Variants in UBE2E2 observed in about 807,000 individuals in gnomAD.
UBE2E2 encodes the protein ubiquitin-conjugating enzyme E2 E2.
Under a neutral mutation model 24.7 loss-of-function variants are expected in UBE2E2, and 6 were observed. The observed-to-expected ratio is 0.24, with a 90% confidence interval of 0.13 to 0.48. The LOEUF (loss-of-function observed/expected upper bound fraction) is 0.48. Ranked by LOEUF, UBE2E2 falls within the 20% of genes least tolerant of loss-of-function variation. The pLI is 0.99. For synonymous variants in UBE2E2, 104 were observed against 83.6 expected (o/e 1.24, Z -1.33); for missense variants, 169 against 245.0 (o/e 0.69, Z 2.07).
intron 3 of UBE2E2, among the ~76,000 whole-genome samples, chr3:23,222,124 T>C (rs1479181687): frequency 6.6e-6 from 1 of 152,184 alleles, no homozygotes; most frequent in East Asian, 1.9e-4. Context: ...GCTGGGCTTA[T>C]TTCACTTAAC....
rs1413172120 is a variant in UBE2E2 at position 23,332,673 on chromosome 3, GGGTGTGTGT to G, written c.227+115363_227+115371del. ...GCTTTGAGCTTCCTGGCAGCCAGTG[GGGTGTGTGT>G]GTGTGTGTGTGTGTGTGTGTGTGTG... On this transcript the variant is annotated intron_variant, in intron 3 of 5. Transcript: ENST00000396703. Among the ~76,000 whole-genome samples the G allele has an allele frequency of 5.2e-3, 423 of 80,592 alleles. 1 individual carries two copies. In the Middle Eastern group the frequency reaches 0.088, roughly 17 times the overall value. The allele number at this position is 80,592 out of a possible 152,430, so 52.9% of individuals were successfully genotyped here.
intron 3 of UBE2E2, among the ~76,000 whole-genome samples, chr3:23,324,916 C>CAT (rs990577436): frequency 3.3e-5 from 5 of 152,114 alleles, no homozygotes; most frequent in African/African-American, 1.2e-4. Context: ...GGAAGTGACA[C>CAT]ATATGATAAA....
chr3:23,517,974 A>AT (rs899185039), intron 4 of UBE2E2, among the ~76,000 whole-genome samples: 13 of 150,626 alleles, frequency 8.6e-5, no homozygotes, highest in African/African-American at 2.2e-4. Flanking sequence ...GAAAATGGGA[A>AT]TTTTTTTTTT....
chr3:23,503,806 T>C (rs1694358173), intron 4 of UBE2E2, among the ~76,000 whole-genome samples: 1 of 151,994 alleles, frequency 6.6e-6, no homozygotes, highest in African/African-American at 2.4e-5. Flanking sequence ...TGAGCTGAGA[T>C]TGCACCACTG....
chr3:23,325,900 G>A (rs1694878711), intron 3 of UBE2E2, among the ~76,000 whole-genome samples: 1 of 152,152 alleles, frequency 6.6e-6, no homozygotes, highest in Non-Finnish European at 1.5e-5. Flanking sequence ...GGTGATGAGT[G>A]ATATAGTCAC....
intron 3 of UBE2E2, among the ~76,000 whole-genome samples, chr3:23,365,132 TAAG>T (rs2125335254): frequency 6.6e-6 from 1 of 152,226 alleles, no homozygotes; most frequent in African/African-American, 2.4e-5. Flanking sequence ...TTCAAAATAA[TAAG>T]AGCCACCTAT....
At chr3:23,363,501 A>G (rs548423633) in intron 3 of UBE2E2, among the ~76,000 whole-genome samples, 3 of 152,354 alleles carry the variant, frequency 2.0e-5, no homozygotes, top group Admixed American at 2.0e-4. Flanking sequence ...TTGGCATTCT[A>G]CTTTCTGACA....
Position 23,518,710 on chromosome 3 carries a change from T to A in UBE2E2, c.361-13844T>A, listed in dbSNP as rs185797954. On this transcript the variant is annotated intron_variant, in intron 4 of 5. Transcript: ENST00000396703. ...CTGGTTTTCAGTAAGTTCTGGCTGC[T>A]GTGTGCCTGCAGTGCCTTGTCCCTT... 3.0e-3 allele frequency among the ~76,000 whole-genome samples: 455 copies of A among 152,348 alleles called. 1 individual carries two copies. Among genetic ancestry groups the A allele is most frequent in the Non-Finnish European group, 5.0e-3 (339 of 68,026 alleles).
chr3:23,548,694 G>C (rs80113015), intron 5 of UBE2E2, among the ~76,000 whole-genome samples: 134 of 152,124 alleles, frequency 8.8e-4, no homozygotes, highest in African/African-American at 2.9e-3. Context: ...TTCACGTGCT[G>C]CTCTCCTCCT....
chr3:23,458,987 CAT>C (rs1284197940), intron 3 of UBE2E2, among the ~76,000 whole-genome samples: 1 of 152,224 alleles, frequency 6.6e-6, no homozygotes, highest in Non-Finnish European at 1.5e-5. Context: ...GTTCCTATAT[CAT>C]GTGTGCATTC....
At chr3:23,258,711 G>A (rs1448834560) in intron 3 of UBE2E2, among the ~76,000 whole-genome samples, 1 of 151,936 alleles carries the variant, frequency 6.6e-6, no homozygotes, top group East Asian at 1.9e-4. Flanking sequence ...GGCTAACATG[G>A]TAAAACCTTG....
intron 3 of UBE2E2, among the ~76,000 whole-genome samples, chr3:23,357,537 G>A (rs1695992683): frequency 1.3e-5 from 2 of 151,986 alleles, no homozygotes; most frequent in South Asian, 4.2e-4. Flanking sequence ...TAATCCTACT[G>A]TCTTAAAATG....
chr3:23,421,385 TGTG>T (rs1460317619), intron 3 of UBE2E2, among the ~76,000 whole-genome samples: 5 of 152,052 alleles, frequency 3.3e-5, no homozygotes, highest in Non-Finnish European at 7.4e-5. Context: ...ATAAAGAAAA[TGTG>T]GTGTATGTAT....
intron 3 of UBE2E2, among the ~76,000 whole-genome samples, chr3:23,291,069 T>TA (rs35305944): frequency 0.31 from 38,745 of 125,438 alleles, 6,560 homozygotes; most frequent in South Asian, 0.4. Context: ...ACCCTGTCTT[T>TA]AAAAAAAAAA....
At chr3:23,405,781 A>C (rs1336804775) in intron 3 of UBE2E2, among the ~76,000 whole-genome samples, 1 of 152,242 alleles carries the variant, frequency 6.6e-6, no homozygotes, top group Non-Finnish European at 1.5e-5. Flanking sequence ...ATAAAGGTTA[A>C]TATTAATAAT....
intron 3 of UBE2E2, among the ~76,000 whole-genome samples, chr3:23,461,054 G>A (rs1281901116): frequency 3.9e-5 from 6 of 152,134 alleles, no homozygotes; most frequent in South Asian, 2.1e-4. Flanking sequence ...CAGTGTATAA[G>A]CACTAAATTT....
At chr3:23,442,073 TG>T (rs1301181203) in intron 3 of UBE2E2, among the ~76,000 whole-genome samples, 2 of 152,166 alleles carry the variant, frequency 1.3e-5, no homozygotes, top group African/African-American at 4.8e-5. Context: ...ATGTGGCCTG[TG>T]TAATACATGC....
intron 3 of UBE2E2, among the ~76,000 whole-genome samples, chr3:23,264,440 C>A (rs1024663303): frequency 2.0e-5 from 3 of 151,536 alleles, no homozygotes; most frequent in Non-Finnish European, 2.9e-5. Context: ...CTTAGGAATT[C>A]TCAAAATCCC....
chr3:23,323,520 A>G (rs967561908), intron 3 of UBE2E2: 2 of 447,522 alleles, frequency 4.5e-6, no homozygotes, highest in African/African-American at 2.0e-5. Context: ...TTCAGCACCA[A>G]CATAACACTG....
Sources: allele counts gnomAD v4.1 joint callset (sites outside exome capture counted in the v4.1 genomes callset), GRCh38; gene constraint gnomAD v4.1.1; transcripts MANE v1.5; gene names NCBI Gene and HGNC (gene_info 2026-07-23, HGNC 2026-07-21).